COX7B2: variants seen among roughly 807,000 people sequenced by gnomAD.
COX7B2 encodes cytochrome c oxidase subunit 7B2.
For synonymous variants in COX7B2, 37 were observed against 32.1 expected, an observed-to-expected ratio of 1.15 and a Z score of -0.51; for missense variants, 109 against 95.9, an observed-to-expected ratio of 1.14 and a Z score of -0.57.
intron 2 of COX7B2, among the ~76,000 whole-genome samples, chr4:46,764,546 A>C (rs1219255215): frequency 6.6e-6 from 1 of 151,754 alleles, no homozygotes; most frequent in Non-Finnish European, 1.5e-5. Flanking sequence ...CAGTCTCAAA[A>C]ATGAAAAAAA....
At chr4:46,774,205 AAAAC>A (rs886835788) in intron 2 of COX7B2, among the ~76,000 whole-genome samples, 65 of 152,242 alleles carry the variant, frequency 4.3e-4, no homozygotes, top group Non-Finnish European at 3.2e-4. Context: ...TGTTTATCTT[AAAAC>A]AAACAAACAA....
At chr4:46,885,553 A>G (rs1719036259) in intron 1 of COX7B2, among the ~76,000 whole-genome samples, 1 of 152,154 alleles carries the variant, frequency 6.6e-6, no homozygotes, top group Admixed American at 6.5e-5. Flanking sequence ...ACATCAGCTG[A>G]CCAGTGATTA....
At chr4:46,769,085 T>C (rs937837021) in intron 2 of COX7B2, among the ~76,000 whole-genome samples, 2 of 152,016 alleles carry the variant, frequency 1.3e-5, no homozygotes, top group Non-Finnish European at 2.9e-5. Context: ...ACTTTACTGG[T>C]AAATTCTAAC....
At chr4:46,831,896 T>C (rs1463348595) in intron 2 of COX7B2, among the ~76,000 whole-genome samples, 1 of 152,186 alleles carries the variant, frequency 6.6e-6, no homozygotes, top group Non-Finnish European at 1.5e-5. Context: ...ATGGGCACTC[T>C]GTATCTAGCT....
intron 1 of COX7B2, among the ~76,000 whole-genome samples, chr4:46,903,487 T>C (rs1192221386): frequency 1.3e-5 from 2 of 152,120 alleles, no homozygotes; most frequent in Non-Finnish European, 2.9e-5. Flanking sequence ...AAATTCAGTG[T>C]AGCCTAAGTG....
chr4:46,823,794 C>T (rs371284109), intron 2 of COX7B2, among the ~76,000 whole-genome samples: 9 of 149,606 alleles, frequency 6.0e-5, no homozygotes, highest in African/African-American at 2.0e-4. Flanking sequence ...AAACAACAGA[C>T]AAAAATCAAA....
At chr4:46,754,288 C>CAATAGCA (rs780656876) in intron 2 of COX7B2, among the ~76,000 whole-genome samples, 97 of 151,404 alleles carry the variant, frequency 6.4e-4, no homozygotes, top group Non-Finnish European at 1.0e-3. Context: ...GCACTATTCA[C>CAATAGCA]AATAGCAAAG....
In COX7B2 at chr4:46,778,535, C is replaced by G. The variant is rs572785981; in HGVS notation, c.-49-43294G>C. ...CTAGTAGAACAAGAAAAATAAACAC[C>G]GTATATCAAATTCAATTATGAGTGA... is the stretch of plus-strand genomic sequence containing the variant. On this transcript the variant is annotated intron_variant, in intron 2 of 2. Coordinates refer to ENST00000355591, the MANE Select transcript of COX7B2 (RefSeq NM_130902.3). 3.9e-5 allele frequency among the ~76,000 whole-genome samples: 6 copies of G among 152,086 alleles called. No homozygotes were observed. In the South Asian group the frequency reaches 1.2e-3, roughly 32 times the overall value.
intron 1 of COX7B2, among the ~76,000 whole-genome samples, chr4:46,897,212 C>G (rs1296237349): frequency 2.6e-5 from 4 of 151,918 alleles, no homozygotes. Flanking sequence ...GTCACTCAGG[C>G]CACAGGCTCT....
chr4:46,776,811 C>A (rs1560373588), intron 2 of COX7B2, among the ~76,000 whole-genome samples: 1 of 152,100 alleles, frequency 6.6e-6, no homozygotes, highest in Non-Finnish European at 1.5e-5. Flanking sequence ...CTTACAAAAG[C>A]AACATAGGAT....
intron 1 of COX7B2, among the ~76,000 whole-genome samples, chr4:46,853,111 T>TGATG (rs1468715578): frequency 3.9e-5 from 6 of 152,156 alleles, no homozygotes; most frequent in African/African-American, 1.4e-4. Context: ...ATTGATTGAT[T>TGATG]GATGAAAACG....
chr4:46,804,820 C>A (rs1039877581), intron 2 of COX7B2, among the ~76,000 whole-genome samples: 1 of 152,250 alleles, frequency 6.6e-6, no homozygotes, highest in Non-Finnish European at 1.5e-5. Context: ...AGTCCTGTGC[C>A]GTGTGCCTGC....
chr4:46,905,202 T>C (rs1340964282), intron 1 of COX7B2, among the ~76,000 whole-genome samples: 1 of 152,106 alleles, frequency 6.6e-6, no homozygotes, highest in Non-Finnish European at 1.5e-5. Context: ...CCTGTAGGCA[T>C]GGGTAAATAT....
chr4:46,870,553 G>T (rs1577678900), intron 1 of COX7B2, among the ~76,000 whole-genome samples: 1 of 152,102 alleles, frequency 6.6e-6, no homozygotes, highest in Non-Finnish European at 1.5e-5. Context: ...ATCTCCGTTT[G>T]CAGATGACAT....
At chr4:46,874,720 T>C (rs1221886694) in intron 1 of COX7B2, among the ~76,000 whole-genome samples, 5 of 152,046 alleles carry the variant, frequency 3.3e-5, no homozygotes, top group African/African-American at 1.2e-4. Context: ...CTTTAAAATG[T>C]CAGGAAAAAA....
intron 2 of COX7B2, among the ~76,000 whole-genome samples, chr4:46,812,776 T>G (rs1218471421): frequency 6.6e-6 from 1 of 152,144 alleles, no homozygotes; most frequent in Admixed American, 6.5e-5. Context: ...AAAGGCACTG[T>G]GTCTGTTTAG....
intron 2 of COX7B2, among the ~76,000 whole-genome samples, chr4:46,801,494 G>A (rs1448817225): frequency 3.9e-5 from 6 of 152,000 alleles, no homozygotes; most frequent in African/African-American, 1.4e-4. Context: ...AACAAATATC[G>A]CATGTTCCTA....
intron 1 of COX7B2, among the ~76,000 whole-genome samples, chr4:46,855,404 A>G (rs576743426): frequency 6.1e-4 from 93 of 152,202 alleles, no homozygotes; most frequent in African/African-American, 2.2e-3. Context: ...TTTATTTTAT[A>G]TTAGGAGTAA....
At chr4:46,875,175 C>T (rs1187577804) in intron 1 of COX7B2, among the ~76,000 whole-genome samples, 3 of 152,134 alleles carry the variant, frequency 2.0e-5, no homozygotes, top group Admixed American at 2.0e-4. Flanking sequence ...TTCTGTTTTG[C>T]TTTTTAAATA....
Sources: gnomAD v4.1 joint callset for allele counts (sites outside exome capture counted in the v4.1 genomes callset) on GRCh38, gnomAD v4.1.1 for gene constraint, MANE v1.5 for transcripts, NCBI Gene and HGNC (gene_info 2026-07-23, HGNC 2026-07-21) for gene names.